Variants in XKR6 observed in about 807,000 individuals in gnomAD.
The protein encoded by XKR6 is XK related 6.
XKR6 carries 22 observed loss-of-function variants against 56.7 expected under a neutral mutation model. The observed-to-expected ratio is 0.39, with a 90% confidence interval of 0.28 to 0.55. The LOEUF is 0.55. Among genes scored for constraint, XKR6 ranks in the 20% least tolerant of loss-of-function variants. XKR6 has a pLI of 0.66. For missense variants in XKR6, 852 were observed against 889.0 expected (o/e 0.96, Z 0.53); for synonymous variants, 524 against 387.8 (o/e 1.35, Z -4.13).
intron 1 of XKR6, among the ~76,000 whole-genome samples, chr8:11,186,335 T>C (rs1803272422): frequency 6.6e-6 from 1 of 152,164 alleles, no homozygotes. Context: ...GGCTAGTTCT[T>C]CACAATGGCA....
intron 1 of XKR6, among the ~76,000 whole-genome samples, chr8:11,008,943 A>C (rs1253511255): frequency 6.6e-6 from 1 of 152,122 alleles, no homozygotes; most frequent in African/African-American, 2.4e-5. Flanking sequence ...ACATGCACAA[A>C]GGTCTTCCAA....
intron 1 of XKR6, among the ~76,000 whole-genome samples, chr8:10,952,175 A>T (rs1030577205): frequency 3.3e-5 from 5 of 152,126 alleles, no homozygotes; most frequent in Non-Finnish European, 7.4e-5. Flanking sequence ...AGGCTGCCTC[A>T]AAGCCCCTGC....
chr8:10,902,889 C>A (rs1191501242), intron 2 of XKR6, among the ~76,000 whole-genome samples: 1 of 152,222 alleles, frequency 6.6e-6, no homozygotes, highest in Admixed American at 6.5e-5. Flanking sequence ...ACCCCCATCA[C>A]TTTCTAATCT....
intron 1 of XKR6, among the ~76,000 whole-genome samples, chr8:11,018,186 C>T (rs1209680388): frequency 6.6e-6 from 1 of 151,496 alleles, no homozygotes; most frequent in African/African-American, 2.4e-5. Flanking sequence ...GGACAGCCTC[C>T]CCCTCAGGGT....
chr8:11,041,007 C>T (rs1799273143), intron 1 of XKR6, among the ~76,000 whole-genome samples: 1 of 152,080 alleles, frequency 6.6e-6, no homozygotes, highest in African/African-American at 2.4e-5. Flanking sequence ...TAGGTGGGGG[C>T]TGCAGGGACC....
At chr8:10,952,584 C>A (rs576472571) in intron 1 of XKR6, among the ~76,000 whole-genome samples, 41 of 152,314 alleles carry the variant, frequency 2.7e-4, no homozygotes, top group African/African-American at 9.6e-4. Context: ...CTCCCCCGTA[C>A]CTGGGACCAC....
intron 1 of XKR6, chr8:11,108,584 C>T (rs903858626): frequency 3.0e-6 from 1 of 331,474 alleles, no homozygotes; most frequent in Non-Finnish European, 5.8e-6. Flanking sequence ...ATTTCTATCA[C>T]CCGTGCTTCT....
intron 1 of XKR6, among the ~76,000 whole-genome samples, chr8:11,050,067 G>A (rs1275557381): frequency 2.6e-5 from 4 of 152,098 alleles, no homozygotes; most frequent in Admixed American, 6.5e-5. Context: ...TCCAGTCCTC[G>A]GGGTTTTCAC....
chr8:10,911,613 A>T lies in XKR6; in HGVS notation c.962-12697T>A, dbSNP rs561790834. Among the ~76,000 whole-genome samples, 4 of 148,166 alleles carry T rather than the reference A, an allele frequency of 2.7e-5. No homozygotes were observed. In the South Asian group the frequency reaches 8.6e-4, roughly 32 times the overall value. On this transcript the variant is annotated intron_variant, in intron 2 of 2. Transcript: ENST00000416569. Reference sequence around the variant, plus strand: ...AGAGAGAGGGTGAGATTGCACATATATATGTAGACAGAGAGGGGGTGAGTA... The same window carrying T: ...AGAGAGAGGGTGAGATTGCACATATTTATGTAGACAGAGAGGGGGTGAGTA...
chr8:10,944,074 T>G (rs952055171), intron 1 of XKR6, among the ~76,000 whole-genome samples: 3 of 152,016 alleles, frequency 2.0e-5, no homozygotes, highest in African/African-American at 7.3e-5. Context: ...CAGCTAGATT[T>G]TAACCTCCAG....
At chr8:11,000,014 C>T (rs1002678761) in intron 1 of XKR6, among the ~76,000 whole-genome samples, 1 of 152,222 alleles carries the variant, frequency 6.6e-6, no homozygotes, top group Non-Finnish European at 1.5e-5. Flanking sequence ...GGCATTCCAT[C>T]TGTGAAGACA....
chr8:11,113,027 G>A (rs1798984207), intron 1 of XKR6, among the ~76,000 whole-genome samples: 1 of 152,084 alleles, frequency 6.6e-6, no homozygotes. Context: ...AAATGATGAT[G>A]TTTTCAGTTC....
intron 1 of XKR6, among the ~76,000 whole-genome samples, chr8:10,989,150 G>A (rs1383416372): frequency 1.3e-5 from 2 of 152,226 alleles, no homozygotes; most frequent in Non-Finnish European, 2.9e-5. Flanking sequence ...TATACAAGGA[G>A]CTGGGTGATG....
At chr8:11,155,646 G>A (rs892017040) in intron 1 of XKR6, among the ~76,000 whole-genome samples, 4 of 152,158 alleles carry the variant, frequency 2.6e-5, no homozygotes, top group African/African-American at 9.7e-5. Context: ...AGCACACAGA[G>A]TGTAACAGGT....
At chr8:11,197,701 C>G (rs1679943182) in intron 1 of XKR6, among the ~76,000 whole-genome samples, 1 of 152,250 alleles carries the variant, frequency 6.6e-6, no homozygotes, top group Non-Finnish European at 1.5e-5. Context: ...ATTCTACAGA[C>G]AACCATTCTT....
At chr8:11,193,177 T>C (rs1280445272) in intron 1 of XKR6, among the ~76,000 whole-genome samples, 1 of 152,230 alleles carries the variant, frequency 6.6e-6, no homozygotes, top group East Asian at 1.9e-4. Flanking sequence ...TTCCTAGAAA[T>C]GAATGATGAG....
rs139525390 is a variant in XKR6 at position 10,979,610 on chromosome 8, G to C, written c.765-54780C>G. On this transcript the variant is annotated intron_variant, in intron 1 of 2. Transcript: ENST00000416569. Reference sequence around the variant, plus strand: ...GCCTAAGCCATTTCCTTCTCTGTAAGGTGGGTTGAGTGCAGCCTGGCTCCT... The same window carrying C: ...GCCTAAGCCATTTCCTTCTCTGTAACGTGGGTTGAGTGCAGCCTGGCTCCT... Among the ~76,000 whole-genome samples, 9 of 152,348 alleles carry C rather than the reference G, an allele frequency of 5.9e-5. No homozygotes were observed. The East Asian group carries it at 1.7e-3, about 29-fold the overall frequency.
chr8:11,119,119 T>C (rs891267768), intron 1 of XKR6, among the ~76,000 whole-genome samples: 2 of 152,142 alleles, frequency 1.3e-5, no homozygotes, highest in Non-Finnish European at 2.9e-5. Context: ...TTGAGCAGTT[T>C]TGAGTGAGTT....
intron 1 of XKR6, among the ~76,000 whole-genome samples, chr8:11,173,622 A>G (rs930815940): frequency 1.3e-5 from 2 of 152,094 alleles, no homozygotes; most frequent in African/African-American, 4.8e-5. Flanking sequence ...TGAGTGACAC[A>G]CATGCACAGC....
Sources: allele counts gnomAD v4.1 joint callset (sites outside exome capture counted in the v4.1 genomes callset), GRCh38; gene constraint gnomAD v4.1.1; transcripts MANE v1.5; gene names NCBI Gene and HGNC (gene_info 2026-07-23, HGNC 2026-07-21).